EPHA6: variants seen among roughly 807,000 people sequenced by gnomAD.
EPHA6 encodes EPH receptor A6.
Under a neutral mutation model 112.0 loss-of-function variants are expected in EPHA6, and 50 were observed. The observed-to-expected ratio is 0.45, with a 90% CI of 0.36 to 0.56. EPHA6 has a LOEUF of 0.56. Ranked by LOEUF, EPHA6 falls within the 20% of genes least tolerant of loss-of-function variation. The probability of loss-of-function intolerance (pLI) is 0.00; values close to 1 mark genes in which losing one functional copy is unlikely to be tolerated. For missense variants in EPHA6, 1,280 were observed against 1,417.4 expected (o/e 0.90, Z 1.56); for synonymous variants, 529 against 490.7 (o/e 1.08, Z -1.03).
intron 3 of EPHA6, among the ~76,000 whole-genome samples, chr3:97,224,966 T>C (rs2078309973): frequency 6.6e-6 from 1 of 152,076 alleles, no homozygotes; most frequent in South Asian, 2.1e-4. Flanking sequence ...TGTTTGTTTG[T>C]TTGTTTTGAG....
intron 1 of EPHA6, among the ~76,000 whole-genome samples, chr3:96,827,188 C>T (rs144485623): frequency 1.3e-5 from 2 of 152,026 alleles, no homozygotes; most frequent in African/African-American, 4.8e-5. Flanking sequence ...GCCTCACACA[C>T]GTTATAGTCT....
intron 6 of EPHA6, among the ~76,000 whole-genome samples, chr3:97,421,595 A>G (rs1319946363): frequency 6.6e-6 from 1 of 152,192 alleles, no homozygotes; most frequent in Non-Finnish European, 1.5e-5. Context: ...TAAAAATTCT[A>G]GCAGATCTCT....
chr3:96,842,551 C>T (rs191794028), intron 1 of EPHA6, among the ~76,000 whole-genome samples: 3 of 152,102 alleles, frequency 2.0e-5, no homozygotes, highest in African/African-American at 7.2e-5. Context: ...TAAACAGGCT[C>T]AGATTGAATT....
At chr3:97,473,995 T>C (rs933796353) in intron 7 of EPHA6, among the ~76,000 whole-genome samples, 3 of 151,900 alleles carry the variant, frequency 2.0e-5, no homozygotes, top group Non-Finnish European at 4.4e-5. Context: ...TCAACTCTTT[T>C]GTTTTTATTT....
At position 97,685,244 on chromosome 3, in the gene EPHA6, G is replaced by T. The variant is rs983538439; in HGVS notation, c.2785-35017G>T. 3.9e-5 allele frequency among the ~76,000 whole-genome samples: 6 copies of T among 152,248 alleles called. No individual in the cohort carries two copies. The East Asian group carries it at 1.2e-3, about 29-fold the overall frequency. On this transcript the variant is annotated intron_variant, in intron 14 of 17. Transcript: ENST00000389672. ...TAAAACTGTTGTCAAATGAACAGGT[G>T]AGCAAACTGTATGCATCCAAAAATG...
chr3:97,033,810 T>C (rs909044502), intron 3 of EPHA6, among the ~76,000 whole-genome samples: 2 of 151,978 alleles, frequency 1.3e-5, no homozygotes, highest in Non-Finnish European at 2.9e-5. Context: ...AGTTCAAGAC[T>C]ATAAAATGCT....
chr3:97,265,006 T>C (rs2079626440), intron 5 of EPHA6, among the ~76,000 whole-genome samples: 1 of 152,186 alleles, frequency 6.6e-6, no homozygotes, highest in Admixed American at 6.5e-5. Context: ...AGAGGGTAGC[T>C]CCTCTTTGCA....
At chr3:97,504,827 A>G (rs1322146691) in intron 10 of EPHA6, among the ~76,000 whole-genome samples, 3 of 152,190 alleles carry the variant, frequency 2.0e-5, no homozygotes, top group African/African-American at 7.2e-5. Context: ...TATATACTTA[A>G]CATACTTTTA....
At position 97,281,112 on chromosome 3, in the gene EPHA6, G is replaced by C. The variant is rs547494439; in HGVS notation, c.1606+36825G>C. Among the ~76,000 whole-genome samples, 17 of 152,246 alleles carry C rather than the reference G, an allele frequency of 1.1e-4. No individual in the cohort carries two copies. The South Asian group carries it at 3.5e-3, about 32-fold the overall frequency. ...TTAAGTGTTATCAGATGACACTAGA[G>C]AGGTGTCATAAAAAAGGAAAAGGAG... On this transcript the variant is annotated intron_variant, in intron 5 of 17. Coordinates refer to ENST00000389672, the MANE Select transcript of EPHA6 (RefSeq NM_001080448.3).
intron 11 of EPHA6, among the ~76,000 whole-genome samples, chr3:97,554,384 A>G (rs2093072673): frequency 6.6e-6 from 1 of 152,140 alleles, no homozygotes; most frequent in Non-Finnish European, 1.5e-5. Context: ...TGTTTTATGA[A>G]CAAAAATGGA....
chr3:97,013,600 T>C (rs2060701197), intron 3 of EPHA6, among the ~76,000 whole-genome samples: 1 of 152,184 alleles, frequency 6.6e-6, no homozygotes, highest in African/African-American at 2.4e-5. Context: ...GTGCTGTTGC[T>C]TATATGAAGG....
At chr3:97,136,606 G>A (rs1356988309) in intron 3 of EPHA6, among the ~76,000 whole-genome samples, 4 of 152,056 alleles carry the variant, frequency 2.6e-5, no homozygotes, top group Non-Finnish European at 5.9e-5. Flanking sequence ...GCATGTACCT[G>A]TAATCCCAGC....
At chr3:97,346,763 T>C (rs1474053592) in intron 5 of EPHA6, among the ~76,000 whole-genome samples, 1 of 151,908 alleles carries the variant, frequency 6.6e-6, no homozygotes, top group Non-Finnish European at 1.5e-5. Flanking sequence ...CAAATGTCTA[T>C]ATTCTAGGAC....
intron 3 of EPHA6, among the ~76,000 whole-genome samples, chr3:97,018,847 G>C (rs569683855): frequency 7.9e-5 from 12 of 152,274 alleles, no homozygotes; most frequent in African/African-American, 2.9e-4. Flanking sequence ...TAAGTAGCGG[G>C]TGTTTTTCCT....
intron 5 of EPHA6, among the ~76,000 whole-genome samples, chr3:97,404,270 T>C (rs570285051): frequency 4.6e-5 from 7 of 152,046 alleles, no homozygotes; most frequent in African/African-American, 1.7e-4. Context: ...ACCAACAATG[T>C]GGTAAAGTAT....
intron 2 of EPHA6, among the ~76,000 whole-genome samples, chr3:96,942,639 G>A (rs2107692365): frequency 6.6e-6 from 1 of 152,308 alleles, no homozygotes; most frequent in South Asian, 2.1e-4. Context: ...CCACTGTCTG[G>A]CACTCCCTAG....
At chr3:97,128,289 C>T (rs2048238545) in intron 3 of EPHA6, among the ~76,000 whole-genome samples, 2 of 152,120 alleles carry the variant, frequency 1.3e-5, no homozygotes, top group Admixed American at 6.6e-5. Context: ...CATATGTTTG[C>T]ACTTGTAAAT....
At chr3:97,005,522 A>G (rs1262926329) in intron 3 of EPHA6, among the ~76,000 whole-genome samples, 1 of 152,172 alleles carries the variant, frequency 6.6e-6, no homozygotes, top group Non-Finnish European at 1.5e-5. Context: ...TTGGGCTGAA[A>G]TGATGGAGTT....
At chr3:97,161,919 C>T (rs1266840031) in intron 3 of EPHA6, among the ~76,000 whole-genome samples, 1 of 152,144 alleles carries the variant, frequency 6.6e-6, no homozygotes, top group Non-Finnish European at 1.5e-5. Flanking sequence ...TGATGTATCT[C>T]TGCAGTAGGA....
Sources: allele counts gnomAD v4.1 joint callset (sites outside exome capture counted in the v4.1 genomes callset), GRCh38; gene constraint gnomAD v4.1.1; transcripts MANE v1.5; gene names NCBI Gene and HGNC (gene_info 2026-07-23, HGNC 2026-07-21).